The following KIAA1217 variants were observed in gnomAD, a reference collection of about 807,000 sequenced individuals.
KIAA1217 encodes the protein sickle tail protein homolog.
KIAA1217 carries 88 observed loss-of-function variants against 163.9 expected under a neutral mutation model. The observed-to-expected ratio is 0.54, with a 90% confidence interval of 0.45 to 0.64. The LOEUF (loss-of-function observed/expected upper bound fraction) is 0.64. Among genes scored for constraint, KIAA1217 ranks in the 30% least tolerant of loss-of-function variants. The pLI, the probability that KIAA1217 is intolerant of heterozygous loss-of-function variation, is 0.00. For synonymous variants in KIAA1217, 903 were observed against 923.1 expected (o/e 0.98, Z 0.39); for missense variants, 2,372 against 2,475.0 (o/e 0.96, Z 0.88).
intron 2 of KIAA1217, among the ~76,000 whole-genome samples, chr10:24,060,297 A>G (rs2060674103): frequency 6.6e-6 from 1 of 152,086 alleles, no homozygotes; most frequent in Non-Finnish European, 1.5e-5. Context: ...TTTTTGCTGC[A>G]TTCCATAGTT....
chr10:23,939,405 A>G (rs1431833746), intron 1 of KIAA1217, among the ~76,000 whole-genome samples: 1 of 152,186 alleles, frequency 6.6e-6, no homozygotes, highest in Admixed American at 6.5e-5. Flanking sequence ...AAAAGATAGA[A>G]AAAGGTCTAC....
chr10:24,535,269 G>A (rs995722243), intron 16 of KIAA1217, among the ~76,000 whole-genome samples: 3 of 152,200 alleles, frequency 2.0e-5, no homozygotes, highest in Non-Finnish European at 2.9e-5. Context: ...ACAGCAAGGA[G>A]ACCAGGTACA....
chr10:24,345,536 T>A (rs2047622714), intron 2 of KIAA1217, among the ~76,000 whole-genome samples: 1 of 152,218 alleles, frequency 6.6e-6, no homozygotes, highest in South Asian at 2.1e-4. Flanking sequence ...AGATCTTCAG[T>A]CCGACTTGAT....
intron 2 of KIAA1217, among the ~76,000 whole-genome samples, chr10:24,112,309 CT>C (rs2131746268): frequency 6.6e-6 from 1 of 152,342 alleles, no homozygotes; most frequent in Non-Finnish European, 1.5e-5. Context: ...CTTCACACAT[CT>C]GTAGCCAGTT....
intron 2 of KIAA1217, among the ~76,000 whole-genome samples, chr10:24,153,844 G>A (rs1001713440): frequency 2.6e-5 from 4 of 152,080 alleles, no homozygotes; most frequent in African/African-American, 4.8e-5. Context: ...TAATTCCCCC[G>A]GGCTTATGCC....
At chr10:24,162,972 CA>C (rs1298627849) in intron 2 of KIAA1217, among the ~76,000 whole-genome samples, 1 of 152,156 alleles carries the variant, frequency 6.6e-6, no homozygotes, top group Admixed American at 6.5e-5. Context: ...ACCAATATGG[CA>C]GCCACAGTCT....
intron 1 of KIAA1217, among the ~76,000 whole-genome samples, chr10:23,803,906 AAG>A (rs2130963652): frequency 6.6e-6 from 1 of 152,272 alleles, no homozygotes; most frequent in Non-Finnish European, 1.5e-5. Flanking sequence ...CACAATGACA[AAG>A]ACATTGATGC....
Position 24,543,719 on chromosome 10 carries a change from G to T in KIAA1217, c.4449G>T (p.Glu1483Asp). Residue 1483 changes from glutamate (E) to aspartate (D), a missense_variant, in exon 19 of 21, where the codon GAG (glutamate) becomes GAT (aspartate). Physicochemically the swap from Glu to Asp is conservative, Grantham distance 45. Transcript: ENST00000376454. Reference protein sequence around the residue: ...RMMMEEKIEEEEEEENGDSVV... With the variant: ...RMMMEEKIEEDEEEENGDSVV... ...TGATGGAGGAAAAGATAGAGGAGGA[G>T]GAAGAGGAGGAAAATGGGGATTCTG... The T allele has an allele frequency of 6.2e-7, 1 of 1,613,896 alleles. No homozygotes were observed. Among genetic ancestry groups the T allele is most frequent in the Non-Finnish European group, 8.5e-7 (1 of 1,179,848 alleles).
chr10:23,993,552 G>GTTTTTTTTTTTTTT (rs1564594837), intron 1 of KIAA1217, among the ~76,000 whole-genome samples: 8 of 39,424 alleles, frequency 2.0e-4, no homozygotes, highest in Non-Finnish European at 3.4e-4. Flanking sequence ...CCATAGCCCA[G>GTTTTTTTTTTTTTT]CTTTTTTTTT....
intron 3 of KIAA1217, among the ~76,000 whole-genome samples, chr10:24,397,555 T>C (rs2055968247): frequency 6.6e-6 from 1 of 152,102 alleles, no homozygotes; most frequent in Non-Finnish European, 1.5e-5. Flanking sequence ...ACCACTACAA[T>C]GTACGAAAAA....
At chr10:24,268,418 CA>C in intron 2 of KIAA1217, among the ~76,000 whole-genome samples, 1 of 151,984 alleles carries the variant, frequency 6.6e-6, no homozygotes, top group African/African-American at 2.4e-5. Flanking sequence ...AGACACTTCT[CA>C]AAAGAAGACA....
intron 19 of KIAA1217, 74 bp from the exon 20 acceptor site, chr10:24,544,907 C>A (rs1423598283): frequency 1.3e-6 from 2 of 1,526,464 alleles, no homozygotes; most frequent in African/African-American, 1.4e-5. Flanking sequence ...CTCTGCACAT[C>A]GTGGGGCAGC....
intron 1 of KIAA1217, among the ~76,000 whole-genome samples, chr10:23,734,927 A>G (rs1319856431): frequency 6.6e-6 from 1 of 152,062 alleles, no homozygotes; most frequent in Non-Finnish European, 1.5e-5. Context: ...TATACCTGGT[A>G]GTTATTTTCC....
chr10:23,890,096 T>A (rs1841356995), intron 1 of KIAA1217, among the ~76,000 whole-genome samples: 2 of 151,778 alleles, frequency 1.3e-5, no homozygotes, highest in African/African-American at 4.8e-5. Context: ...ACTTTAGTTT[T>A]CTTAGTGGGA....
chr10:24,483,790 C>T (rs1043771780), intron 6 of KIAA1217, among the ~76,000 whole-genome samples: 9 of 152,216 alleles, frequency 5.9e-5, no homozygotes, highest in African/African-American at 1.9e-4. Flanking sequence ...GATGTCAATT[C>T]CAGAACACAA....
At chr10:23,961,999 C>G (rs1380830654) in intron 1 of KIAA1217, among the ~76,000 whole-genome samples, 1 of 152,172 alleles carries the variant, frequency 6.6e-6, no homozygotes, top group East Asian at 1.9e-4. Flanking sequence ...ATCTCGATTA[C>G]CTCTATAAAG....
chr10:24,133,302 G>T (rs977869373), intron 2 of KIAA1217, among the ~76,000 whole-genome samples: 1 of 152,256 alleles, frequency 6.6e-6, no homozygotes, highest in East Asian at 1.9e-4. Context: ...GCTAGGCACG[G>T]TGTCTCATGC....
chr10:24,143,957 C>A (rs979447477), intron 2 of KIAA1217, among the ~76,000 whole-genome samples: 6 of 152,144 alleles, frequency 3.9e-5, no homozygotes, highest in Admixed American at 2.0e-4. Flanking sequence ...TCATGGACTT[C>A]TCAGCTGATT....
chr10:23,815,191 A>T lies in KIAA1217; in HGVS notation c.-321+119957A>T, dbSNP rs531795657. On this transcript the variant is annotated intron_variant, in intron 1 of 18. Transcript: ENST00000376462. ...AAAATTGAGGCAAAGGTTTTTTTTT[A>T]AAATCATTTTGTAACATCTTACAGC... 4.3e-3 allele frequency among the ~76,000 whole-genome samples: 654 copies of T among 152,126 alleles called. 11 individuals are homozygous for T. The highest frequency in any genetic ancestry group is 0.014 in the African/African-American group (568 of 41,530).
Sources: allele counts gnomAD v4.1 joint callset (sites outside exome capture counted in the v4.1 genomes callset), GRCh38; gene constraint gnomAD v4.1.1; transcripts MANE v1.5; gene names NCBI Gene and HGNC (gene_info 2026-07-23, HGNC 2026-07-21).